The following ABCC1 variants were observed in gnomAD, a reference collection of about 807,000 sequenced individuals.
ABCC1 encodes the protein multidrug resistance-associated protein 1.
Under a neutral mutation model 172.9 loss-of-function variants are expected in ABCC1, and 83 were observed. The ratio of observed to expected loss-of-function variants is 0.48; its 90% CI spans 0.40 to 0.58. ABCC1 has a LOEUF of 0.58. Among genes scored for constraint, ABCC1 ranks in the 20% least tolerant of loss-of-function variants. The pLI, the probability that ABCC1 is intolerant of heterozygous loss-of-function variation, is 0.00. For missense variants in ABCC1, 1,817 were observed against 2,002.7 expected (o/e 0.91, Z 1.77); for synonymous variants, 937 against 825.2 (o/e 1.14, Z -2.32).
At chr16:15,998,411 G>A (rs1289227493) in intron 1 of ABCC1, among the ~76,000 whole-genome samples, 1 of 152,210 alleles carries the variant, frequency 6.6e-6, no homozygotes, top group Non-Finnish European at 1.5e-5. Flanking sequence ...ACAGGCGTGA[G>A]CCACTGTGCC....
chr16:16,071,688 A>T lies in ABCC1; in HGVS notation c.1871A>T (p.Glu624Val). Residue 624 changes from glutamate (E) to valine (V), a missense_variant, in exon 14 of 31, where the codon GAG becomes GTG. By Grantham distance (121) the Glu-to-Val change is moderately radical (BLOSUM62 -2). Around this residue, in one of 3 missense-constraint regions of ABCC1, gnomAD observed 1,412 missense variants for 1,600.3 expected, o/e 0.88. Transcript: ENST00000399410. ...KRLRIFLSHE[E>V]LEPDSIERRP... ...CTGAGGATCTTTCTCTCCCATGAGGAGCTGGAACCTGACAGCATCGAGCGA... is the reference window on the plus strand; with the variant it reads ...CTGAGGATCTTTCTCTCCCATGAGGTGCTGGAACCTGACAGCATCGAGCGA... 6.2e-7 allele frequency: 1 copy of T among 1,613,972 alleles called. No individual in the cohort carries two copies. Among genetic ancestry groups the T allele is most frequent in the Non-Finnish European group, 8.5e-7 (1 of 1,179,968 alleles).
At chr16:16,132,510 G>GTTTTTTTTT (rs71137915) in intron 27 of ABCC1, among the ~76,000 whole-genome samples, 416 of 37,202 alleles carry the variant, frequency 0.011, 37 homozygotes, top group Admixed American at 0.013. Context: ...TTGGTTGGTT[G>GTTTTTTTTT]TTTTTTTTTT....
In ABCC1 at chr16:16,131,221, A is replaced by G. The variant is rs77067109; in HGVS notation, c.3820-568A>G. On this transcript the variant is annotated intron_variant, in intron 26 of 30. Coordinates refer to ENST00000399410, the MANE Select transcript of ABCC1 (RefSeq NM_004996.4). Reference sequence around the variant, plus strand: ...TAATTCTGGCAGACAAAAATGAACAACTATGGTCCATTGAGCCATTATCTG... The same window carrying G: ...TAATTCTGGCAGACAAAAATGAACAGCTATGGTCCATTGAGCCATTATCTG... Among the ~76,000 whole-genome samples, 27 of 152,332 alleles carry G rather than the reference A, an allele frequency of 1.8e-4. No homozygotes were observed. The East Asian group carries it at 4.2e-3, about 24-fold the overall frequency.
At chr16:16,039,241 G>T (rs1345321214) in intron 7 of ABCC1, among the ~76,000 whole-genome samples, 1 of 107,140 alleles carries the variant, frequency 9.3e-6, no homozygotes, top group Non-Finnish European at 1.8e-5. Flanking sequence ...GTGTATGTAT[G>T]TGTGTGTGTG....
At position 16,089,695 on chromosome 16, in the gene ABCC1, C is replaced by T. The variant is rs111769526; in HGVS notation, c.2461-710C>T. 9.9e-4 allele frequency among the ~76,000 whole-genome samples: 151 copies of T among 152,150 alleles called. 1 individual carries two copies. The highest frequency in any genetic ancestry group is 7.2e-4 in the Admixed American group (11 of 15,276). ...GACCAGCCTGGGCAACATGGTGAAA[C>T]GCCATCTCTACTAAAATACAACAAC... On this transcript the variant is annotated intron_variant, in intron 18 of 30. Transcript: ENST00000399410.
At chr16:16,042,572 G>A (rs923052195) in intron 7 of ABCC1, among the ~76,000 whole-genome samples, 21 of 151,804 alleles carry the variant, frequency 1.4e-4, no homozygotes, top group Admixed American at 2.0e-4. Context: ...GTGTGGTAGC[G>A]CACACCTGTA....
At chr16:16,070,405 C>G (rs1471810095) in intron 13 of ABCC1, among the ~76,000 whole-genome samples, 4 of 151,310 alleles carry the variant, frequency 2.6e-5, no homozygotes, top group Non-Finnish European at 4.4e-5. Flanking sequence ...TGGCTCATGC[C>G]TGTAATCCCA....
chr16:16,122,081 G>A lies in ABCC1; in HGVS notation c.3497G>A (p.Arg1166Gln), dbSNP rs906863394. Residue 1166 changes from arginine (R) to glutamine (Q), a missense_variant, in exon 24 of 31, where the codon CGA becomes CAA. Arg to Gln is a conservative substitution (Grantham distance 43, BLOSUM62 1). Coordinates refer to ENST00000399410, the MANE Select transcript of ABCC1 (RefSeq NM_004996.4). ...ACCTTGCTGGGGGTCAGCGTCATTC[G>A]AGCCTTCGAGGAGCAGGAGCGCTTC... ...NETLLGVSVI[R>Q]AFEEQERFIH... is the part of the protein sequence containing the mutation. The A allele has an allele frequency of 5.0e-6, 8 of 1,614,020 alleles. No homozygotes were observed. The highest frequency in any genetic ancestry group is 1.7e-5 in the Admixed American group (1 of 59,998).
intron 7 of ABCC1, among the ~76,000 whole-genome samples, chr16:16,042,264 A>G (rs184131220): frequency 1.3e-5 from 2 of 151,204 alleles, no homozygotes; most frequent in African/African-American, 4.9e-5. Context: ...CTGAGAACAT[A>G]TGTTCATAAA....
At chr16:16,046,855 G>C (rs2049231966) in intron 9 of ABCC1, among the ~76,000 whole-genome samples, 1 of 151,652 alleles carries the variant, frequency 6.6e-6, no homozygotes, top group African/African-American at 2.4e-5. Flanking sequence ...TGAACTAGAG[G>C]AGTGATTCTC....
chr16:15,956,001 AC>A (rs2045989475), intron 1 of ABCC1, among the ~76,000 whole-genome samples: 1 of 152,122 alleles, frequency 6.6e-6, no homozygotes, highest in African/African-American at 2.4e-5. Flanking sequence ...TAATCTCAGC[AC>A]TTTGGGAGGC....
At chr16:16,027,823 T>C (rs1413422675) in intron 5 of ABCC1, among the ~76,000 whole-genome samples, 1 of 152,046 alleles carries the variant, frequency 6.6e-6, no homozygotes. Context: ...GAAAATATAT[T>C]TAAGGTGTAC....
At chr16:16,033,454 C>T (rs1035199538) in intron 6 of ABCC1, among the ~76,000 whole-genome samples, 1 of 152,162 alleles carries the variant, frequency 6.6e-6, no homozygotes, top group African/African-American at 2.4e-5. Flanking sequence ...TTTGCTTTAG[C>T]TTCAGATTTG....
At chr16:15,977,411 T>A (rs2046518674) in intron 1 of ABCC1, among the ~76,000 whole-genome samples, 1 of 152,188 alleles carries the variant, frequency 6.6e-6, no homozygotes, top group Non-Finnish European at 1.5e-5. Context: ...TATTTATTTT[T>A]ATTTTTAACA....
At position 16,125,881 on chromosome 16, in the gene ABCC1, G is replaced by T; in HGVS notation, c.3789G>T (p.Arg1263Ser). ...AAACCAACATCGTGGCCGTGGAGAG[G>T]CTCAAGGAGTATTCAGAGACTGAGA... is the stretch of plus-strand genomic sequence containing the variant. ...EMETNIVAVE[R>S]LKEYSETEKE... The change falls in exon 26 of 31, where the codon AGG becomes AGT. Residue 1263 changes from arginine (R) to serine (S), a missense_variant. Physicochemically the swap from Arg to Ser is moderately radical, Grantham distance 110 (BLOSUM62 -1). This residue lies in a region of ABCC1 where 1,412 missense variants were observed against 1,600.3 expected (regional missense o/e 0.88). Coordinates refer to ENST00000399410, the MANE Select transcript of ABCC1 (RefSeq NM_004996.4). 1 of 1,614,128 alleles carries T rather than the reference G, an allele frequency of 6.2e-7. No individual in the cohort carries two copies. The highest frequency in any genetic ancestry group is 8.5e-7 in the Non-Finnish European group (1 of 1,180,012).
At chr16:16,090,992 G>T (rs528075226) in intron 19 of ABCC1, among the ~76,000 whole-genome samples, 18 of 152,272 alleles carry the variant, frequency 1.2e-4, no homozygotes, top group African/African-American at 4.3e-4. Flanking sequence ...TGTGAGGGTT[G>T]TGAGGTGAAG....
chr16:16,070,492 G>C (rs144197736), intron 13 of ABCC1, among the ~76,000 whole-genome samples: 1 of 152,108 alleles, frequency 6.6e-6, no homozygotes, highest in Non-Finnish European at 1.5e-5. Context: ...GTGAAACCCT[G>C]TCTCTGCTAA....
intron 1 of ABCC1, among the ~76,000 whole-genome samples, chr16:15,959,116 C>T (rs215101): frequency 4.6e-5 from 7 of 151,852 alleles, no homozygotes; most frequent in Admixed American, 3.9e-4. Flanking sequence ...TGTGGGCTGT[C>T]GAAATTCTAG....
chr16:16,022,684 C>G (rs1474313307), intron 5 of ABCC1, among the ~76,000 whole-genome samples: 3 of 152,122 alleles, frequency 2.0e-5, no homozygotes, highest in African/African-American at 7.2e-5. Flanking sequence ...CTACTCAGCT[C>G]GTTTGCAGTA....
Sources: allele counts gnomAD v4.1 joint callset (sites outside exome capture counted in the v4.1 genomes callset), GRCh38; gene constraint gnomAD v4.1.1; regional missense constraint gnomAD v4.1.1; transcripts MANE v1.5; gene names NCBI Gene and HGNC (gene_info 2026-07-23, HGNC 2026-07-21).